Variants in TMTC2 observed in about 807,000 individuals in gnomAD.
The protein encoded by TMTC2 is transmembrane O-mannosyltransferase targeting cadherins 2, also known as protein O-mannosyl-transferase TMTC2.
A neutral mutation model predicts 82.4 loss-of-function variants in TMTC2; 43 were observed. The ratio of observed to expected loss-of-function variants is 0.52; its 90% CI spans 0.41 to 0.67. TMTC2 has a LOEUF of 0.67. TMTC2 is among the 30% of genes least tolerant of loss of function. The pLI is 0.00. For missense variants in TMTC2, 919 were observed against 1,012.4 expected, an observed-to-expected ratio of 0.91 and a Z score of 1.25; for synonymous variants, 408 against 381.9, an observed-to-expected ratio of 1.07 and a Z score of -0.80.
At chr12:82,732,453 C>T (rs905201714) in intron 1 of TMTC2, among the ~76,000 whole-genome samples, 1 of 152,158 alleles carries the variant, frequency 6.6e-6, no homozygotes, top group Non-Finnish European at 1.5e-5. Flanking sequence ...CGCCATTCTC[C>T]TGCCTCAGCC....
intron 1 of TMTC2, among the ~76,000 whole-genome samples, chr12:82,733,436 G>T (rs909734253): frequency 6.6e-6 from 1 of 152,176 alleles, no homozygotes; most frequent in African/African-American, 2.4e-5. Flanking sequence ...TAGGTGGTCA[G>T]CATTAAGCAG....
intron 1 of TMTC2, among the ~76,000 whole-genome samples, chr12:82,710,517 A>C (rs7311886): frequency 0.058 from 8,818 of 152,272 alleles, 500 homozygotes; most frequent in African/African-American, 0.12. Context: ...CATCTCAGAT[A>C]ATTTCTAGTT....
intron 1 of TMTC2, among the ~76,000 whole-genome samples, chr12:82,731,011 AATT>A (rs1874777516): frequency 6.6e-6 from 1 of 152,232 alleles, no homozygotes; most frequent in African/African-American, 2.4e-5. Context: ...TCAATAAGGT[AATT>A]ATTTTAAATG....
intron 8 of TMTC2, among the ~76,000 whole-genome samples, chr12:82,990,892 T>TA (rs1290897320): frequency 1.3e-5 from 2 of 152,084 alleles, no homozygotes; most frequent in Non-Finnish European, 2.9e-5. Flanking sequence ...TCAAGCTAGG[T>TA]ATTGCTTTAA....
chr12:82,858,913 C>T (rs1307603705), intron 2 of TMTC2, among the ~76,000 whole-genome samples: 2 of 152,128 alleles, frequency 1.3e-5, no homozygotes, highest in African/African-American at 2.4e-5. Context: ...AACCCAATGT[C>T]ATCGACAATA....
At chr12:82,848,604 G>T (rs1354454739) in intron 1 of TMTC2, among the ~76,000 whole-genome samples, 1 of 152,144 alleles carries the variant, frequency 6.6e-6, no homozygotes, top group Non-Finnish European at 1.5e-5. Flanking sequence ...GAATGAGTGA[G>T]TGATTTTCTC....
intron 11 of TMTC2, among the ~76,000 whole-genome samples, chr12:83,112,852 G>A (rs1365412666): frequency 6.6e-6 from 1 of 152,068 alleles, no homozygotes; most frequent in East Asian, 1.9e-4. Flanking sequence ...ACAAAAGTAT[G>A]TTTTTTGAGT....
chr12:82,990,555 C>A (rs1682579), intron 8 of TMTC2, among the ~76,000 whole-genome samples: 144,021 of 152,170 alleles, frequency 0.95, 68,189 homozygotes, highest in East Asian at 1. Context: ...TTAAGCAGTT[C>A]CTTTTTTGTT....
intron 9 of TMTC2, among the ~76,000 whole-genome samples, chr12:83,048,197 G>A: frequency 6.6e-6 from 1 of 152,046 alleles, no homozygotes; most frequent in Non-Finnish European, 1.5e-5. Flanking sequence ...CTGAAGGATG[G>A]GGTTAGCCTG....
intron 4 of TMTC2, among the ~76,000 whole-genome samples, chr12:82,963,832 T>TTTCTC (rs1213496068): frequency 2.4e-4 from 24 of 100,296 alleles, no homozygotes; most frequent in African/African-American, 1.4e-3. Context: ...TATATATATA[T>TTTCTC]ATATATATAT....
At chr12:82,753,563 C>CAGTT (rs1195165378) in intron 1 of TMTC2, among the ~76,000 whole-genome samples, 4 of 152,064 alleles carry the variant, frequency 2.6e-5, no homozygotes, top group African/African-American at 9.7e-5. Context: ...ATTAGGAAGA[C>CAGTT]AGTTATTCAC....
At chr12:82,912,676 G>A (rs1055964729) in intron 3 of TMTC2, among the ~76,000 whole-genome samples, 1 of 152,086 alleles carries the variant, frequency 6.6e-6, no homozygotes, top group Admixed American at 6.5e-5. Context: ...AGTGGTTCTC[G>A]CCTATAATTC....
At chr12:83,033,777 A>G (rs1881542897) in intron 9 of TMTC2, among the ~76,000 whole-genome samples, 1 of 150,164 alleles carries the variant, frequency 6.7e-6, no homozygotes, top group Non-Finnish European at 1.5e-5. Flanking sequence ...ATAAACAAAA[A>G]AACCATATAA....
At chr12:82,776,387 A>G (rs1048863298) in intron 1 of TMTC2, among the ~76,000 whole-genome samples, 2 of 152,058 alleles carry the variant, frequency 1.3e-5, no homozygotes, top group African/African-American at 4.8e-5. Context: ...GCTGGACTTG[A>G]GATTACCTGT....
chr12:83,110,289 CCT>C (rs1884557258), intron 11 of TMTC2, among the ~76,000 whole-genome samples: 1 of 152,174 alleles, frequency 6.6e-6, no homozygotes, highest in African/African-American at 2.4e-5. Context: ...AGTTACACTT[CCT>C]CTCTTTCTGT....
At chr12:82,774,261 G>A (rs990757025) in intron 1 of TMTC2, among the ~76,000 whole-genome samples, 9 of 152,086 alleles carry the variant, frequency 5.9e-5, no homozygotes, top group Admixed American at 4.6e-4. Context: ...ATGTGTGTAT[G>A]TATATATATG....
At chr12:82,886,858 C>T (rs1430932586) in intron 2 of TMTC2, among the ~76,000 whole-genome samples, 5 of 152,158 alleles carry the variant, frequency 3.3e-5, no homozygotes, top group African/African-American at 4.8e-5. Flanking sequence ...TTCAGCCATG[C>T]ATTCCTTCTT....
intron 8 of TMTC2, among the ~76,000 whole-genome samples, chr12:82,991,150 A>T (rs945649197): frequency 1.3e-5 from 2 of 152,182 alleles, no homozygotes; most frequent in African/African-American, 4.8e-5. Context: ...AAGTCATTTC[A>T]CTACTAAACA....
At chr12:82,740,815 T>C (rs1339597436) in intron 1 of TMTC2, among the ~76,000 whole-genome samples, 1 of 152,168 alleles carries the variant, frequency 6.6e-6, no homozygotes, top group African/African-American at 2.4e-5. Flanking sequence ...TGCCTACCTT[T>C]CTTTGACCTG....
Sources: allele counts gnomAD v4.1 joint callset (sites outside exome capture counted in the v4.1 genomes callset), GRCh38; gene constraint gnomAD v4.1.1; transcripts MANE v1.5; gene names NCBI Gene and HGNC (gene_info 2026-07-23, HGNC 2026-07-21).